FAM174A: variants seen among roughly 807,000 people sequenced by gnomAD.
FAM174A encodes family with sequence similarity 174 member A, also known as membrane protein FAM174A.
Under a neutral mutation model 14.3 loss-of-function variants are expected in FAM174A, and 14 were observed. That is an observed-to-expected ratio of 0.98 (90% CI 0.65 to 1.53). The LOEUF is 1.53. Ranked by LOEUF, FAM174A falls within the 40% of genes most tolerant of loss-of-function variation. FAM174A has a pLI of 0.00. For missense variants in FAM174A, 241 were observed against 249.6 expected (o/e 0.97, Z 0.23); for synonymous variants, 108 against 111.4 (o/e 0.97, Z 0.19).
At chr5:100,542,844 ATATG>A (rs1221284952) in intron 1 of FAM174A, among the ~76,000 whole-genome samples, 1 of 149,196 alleles carries the variant, frequency 6.7e-6, no homozygotes, top group African/African-American at 2.6e-5. Flanking sequence ...TTATATATAT[ATATG>A]TGTGTGTGTG....
rs1262088302 is a variant in FAM174A at position 100,557,354 on chromosome 5, A to G, written c.435-4700A>G. Among the ~76,000 whole-genome samples, 4 of 151,520 alleles carry G rather than the reference A, an allele frequency of 2.6e-5. No homozygotes were observed. In the East Asian group the frequency reaches 5.8e-4, roughly 22 times the overall value. On this transcript the variant is annotated intron_variant, in intron 1 of 2. Transcript: ENST00000312637. Reference sequence around the variant, plus strand: ...TCGGTTTGCCAGTATTTTATTGAGGATTTTTGCATTGATGTTCATCAGGGA... The same window carrying G: ...TCGGTTTGCCAGTATTTTATTGAGGGTTTTTGCATTGATGTTCATCAGGGA...
intron 2 of FAM174A, among the ~76,000 whole-genome samples, chr5:100,568,601 T>TTTTGCC (rs567014122): frequency 0.011 from 1,719 of 151,974 alleles, 15 homozygotes; most frequent in Middle Eastern, 0.02. Context: ...CTTTCCATAG[T>TTTTGCC]TGTGTTTTTC....
At chr5:100,538,441 A>G (rs1008057448) in intron 1 of FAM174A, among the ~76,000 whole-genome samples, 9 of 152,238 alleles carry the variant, frequency 5.9e-5, no homozygotes, top group African/African-American at 2.2e-4. Context: ...GTAGGTAATA[A>G]TAACTTCCTT....
chr5:100,555,549 T>C (rs1746359883), intron 1 of FAM174A, among the ~76,000 whole-genome samples: 1 of 151,950 alleles, frequency 6.6e-6, no homozygotes, highest in Non-Finnish European at 1.5e-5. Context: ...CCACCAACAG[T>C]GTAAAAGTGT....
intron 1 of FAM174A, among the ~76,000 whole-genome samples, chr5:100,538,381 T>A (rs2112361252): frequency 6.6e-6 from 1 of 152,276 alleles, no homozygotes; most frequent in African/African-American, 2.4e-5. Context: ...TTGAACTACA[T>A]GAGACTTTCA....
intron 1 of FAM174A, among the ~76,000 whole-genome samples, chr5:100,550,003 A>C (rs192228280): frequency 2.0e-4 from 30 of 152,272 alleles, no homozygotes; most frequent in Non-Finnish European, 4.1e-4. Context: ...TGAGAAGTTA[A>C]AAGTAGTACA....
At chr5:100,539,452 C>T (rs1046791959) in intron 1 of FAM174A, among the ~76,000 whole-genome samples, 29 of 152,048 alleles carry the variant, frequency 1.9e-4, no homozygotes, top group African/African-American at 6.5e-4. Flanking sequence ...TAAGACACAA[C>T]GTTAGGTTTT....
intron 2 of FAM174A, among the ~76,000 whole-genome samples, chr5:100,562,792 A>G (rs973088311): frequency 1.3e-5 from 2 of 151,886 alleles, no homozygotes; most frequent in Admixed American, 6.6e-5. Context: ...ACTGAGATCT[A>G]TTCTCAGTAA....
chr5:100,579,074 A>G (rs1020863712), intron 2 of FAM174A, among the ~76,000 whole-genome samples: 5 of 152,256 alleles, frequency 3.3e-5, no homozygotes, highest in African/African-American at 4.8e-5. Context: ...ATGTGAAACT[A>G]TATATTTGAA....
chr5:100,568,265 G>T (rs561063172), intron 2 of FAM174A, among the ~76,000 whole-genome samples: 1 of 151,630 alleles, frequency 6.6e-6, no homozygotes, highest in African/African-American at 2.4e-5. Flanking sequence ...CTTGTAACTC[G>T]GTCCCATGTT....
At chr5:100,583,501 C>G (rs1238263606) in intron 2 of FAM174A, among the ~76,000 whole-genome samples, 1 of 152,202 alleles carries the variant, frequency 6.6e-6, no homozygotes. Flanking sequence ...GCTTCTTCTA[C>G]ATCTTCTTCC....
chr5:100,583,398 GA>G (rs1374434781), intron 2 of FAM174A, among the ~76,000 whole-genome samples: 1 of 152,168 alleles, frequency 6.6e-6, no homozygotes, highest in Non-Finnish European at 1.5e-5. Flanking sequence ...CCATATCATA[GA>G]AAGGTCCATG....
At chr5:100,559,639 G>A (rs1746481712) in intron 1 of FAM174A, among the ~76,000 whole-genome samples, 1 of 152,166 alleles carries the variant, frequency 6.6e-6, no homozygotes, top group African/African-American at 2.4e-5. Context: ...TGGAGGCTTT[G>A]TTCGTTTCTT....
chr5:100,569,901 C>T (rs1746740588), intron 2 of FAM174A, among the ~76,000 whole-genome samples: 1 of 151,682 alleles, frequency 6.6e-6, no homozygotes. Flanking sequence ...TTGGGATTCA[C>T]AATTTTTGGG....
chr5:100,554,173 CCTTAA>C (rs1288238666), intron 1 of FAM174A, among the ~76,000 whole-genome samples: 1 of 152,010 alleles, frequency 6.6e-6, no homozygotes, highest in African/African-American at 2.4e-5. Context: ...CTTTCAATAT[CCTTAA>C]CTTATATTTC....
chr5:100,558,169 T>G (rs1453667892), intron 1 of FAM174A, among the ~76,000 whole-genome samples: 2 of 152,222 alleles, frequency 1.3e-5, no homozygotes, highest in Non-Finnish European at 2.9e-5. Context: ...AAGAACATCT[T>G]TATTTCTGCC....
intron 2 of FAM174A, among the ~76,000 whole-genome samples, chr5:100,579,820 G>A (rs1037672098): frequency 8.5e-5 from 13 of 152,154 alleles, no homozygotes; most frequent in Admixed American, 8.5e-4. Context: ...ATTTATGTTT[G>A]CAGTTGTATT....
At chr5:100,579,130 G>C (rs1035660987) in intron 2 of FAM174A, among the ~76,000 whole-genome samples, 1 of 152,184 alleles carries the variant, frequency 6.6e-6, no homozygotes, top group Admixed American at 6.5e-5. Flanking sequence ...CATATAATGT[G>C]ATTGAGCAAG....
chr5:100,555,759 C>T (rs1489670433), intron 1 of FAM174A, among the ~76,000 whole-genome samples: 1 of 151,986 alleles, frequency 6.6e-6, no homozygotes, highest in Admixed American at 6.6e-5. Context: ...ATATCATTTG[C>T]CCAGTTTTTG....
Sources: allele counts gnomAD v4.1 joint callset (sites outside exome capture counted in the v4.1 genomes callset), GRCh38; gene constraint gnomAD v4.1.1; transcripts MANE v1.5; gene names NCBI Gene and HGNC (gene_info 2026-07-23, HGNC 2026-07-21).